JAKMIP2: variants seen among roughly 807,000 people sequenced by gnomAD.
JAKMIP2 encodes janus kinase and microtubule interacting protein 2, also known as janus kinase and microtubule-interacting protein 2.
Under a neutral mutation model 115.0 loss-of-function variants are expected in JAKMIP2, and 25 were observed. The ratio of observed to expected loss-of-function variants is 0.22; its 90% confidence interval spans 0.16 to 0.30. The LOEUF is 0.30. JAKMIP2 is among the 10% of genes least tolerant of loss of function. The pLI is 1.00. For missense variants in JAKMIP2, 642 were observed against 957.6 expected (o/e 0.67, Z 4.35); for synonymous variants, 334 against 343.6 (o/e 0.97, Z 0.31).
intron 21 of JAKMIP2, among the ~76,000 whole-genome samples, chr5:147,599,793 G>C (rs1755600918): frequency 6.6e-6 from 1 of 152,164 alleles, no homozygotes; most frequent in Non-Finnish European, 1.5e-5. Flanking sequence ...GGCTGCCTGG[G>C]TACAAATTGG....
intron 1 of JAKMIP2, among the ~76,000 whole-genome samples, chr5:147,699,594 G>C (rs1465694659): frequency 1.3e-5 from 2 of 151,998 alleles, no homozygotes; most frequent in Non-Finnish European, 2.9e-5. Flanking sequence ...AAATGAACTA[G>C]TTTTCTTGAA....
chr5:147,639,949 G>GATGTAATA (rs1195316197), intron 9 of JAKMIP2, among the ~76,000 whole-genome samples, 189 bp from the exon 10 acceptor site: 1 of 152,162 alleles, frequency 6.6e-6, no homozygotes, highest in African/African-American at 2.4e-5. Flanking sequence ...GATGGACACT[G>GATGTAATA]CAGAAATACA....
At chr5:147,674,779 T>C (rs570678119) in intron 1 of JAKMIP2, among the ~76,000 whole-genome samples, 10 of 152,246 alleles carry the variant, frequency 6.6e-5, no homozygotes, top group Non-Finnish European at 1.5e-4. Context: ...TTGGTGGTAA[T>C]GCTCAGATTC....
At chr5:147,674,302 C>T (rs1371981177) in intron 1 of JAKMIP2, among the ~76,000 whole-genome samples, 1 of 152,156 alleles carries the variant, frequency 6.6e-6, no homozygotes, top group Non-Finnish European at 1.5e-5. Flanking sequence ...TCCGCTTTGG[C>T]CAATTTCCCT....
intron 1 of JAKMIP2, among the ~76,000 whole-genome samples, chr5:147,698,070 G>A (rs534300707): frequency 6.6e-6 from 1 of 152,298 alleles, no homozygotes; most frequent in South Asian, 2.1e-4. Context: ...AAAGTCACAG[G>A]AGCGGAGCTT....
In JAKMIP2 at chr5:147,745,478, A is replaced by G. The variant is rs149245449; in HGVS notation, c.-149+36978T>C. 3.2e-3 allele frequency among the ~76,000 whole-genome samples: 491 copies of G among 152,324 alleles called. 2 individuals are homozygous for G. The highest frequency in any genetic ancestry group is 0.011 in the African/African-American group (473 of 41,580). The stretch of plus-strand genomic sequence containing the variant: ...TGATTGTCTTTGGTTTCACTTACCT[A>G]GGATTGTCTTAGGATTCATCCAGGA... On this transcript the variant is annotated intron_variant, in intron 1 of 21. Coordinates refer to ENST00000616793, the MANE Select transcript of JAKMIP2 (RefSeq NM_001270941.2).
intron 1 of JAKMIP2, among the ~76,000 whole-genome samples, chr5:147,755,585 A>C (rs888422691): frequency 1.3e-5 from 2 of 152,192 alleles, no homozygotes; most frequent in Non-Finnish European, 2.9e-5. Flanking sequence ...CATTCTTCCA[A>C]GTACCTCTGT....
chr5:147,602,092 G>A (rs1393300034), intron 20 of JAKMIP2, among the ~76,000 whole-genome samples: 2 of 152,180 alleles, frequency 1.3e-5, no homozygotes, highest in Admixed American at 6.5e-5. Context: ...GCACAGAGCA[G>A]TAAATCAATA....
At chr5:147,713,628 T>C (rs1752862152) in intron 1 of JAKMIP2, among the ~76,000 whole-genome samples, 1 of 151,928 alleles carries the variant, frequency 6.6e-6, no homozygotes. Context: ...AAAGAACACA[T>C]GAGATTATAA....
At chr5:147,609,076 C>T (rs1222829698) in intron 20 of JAKMIP2, among the ~76,000 whole-genome samples, 1 of 151,912 alleles carries the variant, frequency 6.6e-6, no homozygotes, top group African/African-American at 2.4e-5. Context: ...TGTCTTTGCA[C>T]ATGAGATGGG....
intron 16 of JAKMIP2, among the ~76,000 whole-genome samples, chr5:147,626,713 G>A (rs1207132580): frequency 6.6e-6 from 1 of 152,200 alleles, no homozygotes; most frequent in Non-Finnish European, 1.5e-5. Flanking sequence ...ACAGGGCAGG[G>A]AGCAGAAGAT....
intron 1 of JAKMIP2, 42 bp downstream of exon 1, chr5:147,782,414 A>G (rs1297089631): frequency 6.5e-7 from 1 of 1,532,976 alleles, no homozygotes; most frequent in Non-Finnish European, 8.7e-7. Context: ...TCAAATAAGA[A>G]CACTCTAAAC....
At chr5:147,730,220 T>C (rs1753676401) in intron 1 of JAKMIP2, among the ~76,000 whole-genome samples, 1 of 152,190 alleles carries the variant, frequency 6.6e-6, no homozygotes, top group African/African-American at 2.4e-5. Context: ...ATAAAGAATG[T>C]AAGCAGATTC....
intron 7 of JAKMIP2, 85 bp from the exon 8 acceptor site, chr5:147,641,849 A>G (rs1206996762): frequency 1.2e-5 from 13 of 1,088,232 alleles, no homozygotes; most frequent in Non-Finnish European, 8.4e-6. Flanking sequence ...GTTCTTTCCC[A>G]TAAGGCATTA....
intron 1 of JAKMIP2, among the ~76,000 whole-genome samples, chr5:147,672,508 T>C (rs1759666380): frequency 6.6e-6 from 1 of 152,254 alleles, no homozygotes; most frequent in Non-Finnish European, 1.5e-5. Context: ...TATGCTGTGC[T>C]AGGTATAGAA....
intron 19 of JAKMIP2, among the ~76,000 whole-genome samples, chr5:147,617,123 G>A (rs1756624948): frequency 6.6e-6 from 1 of 152,148 alleles, no homozygotes; most frequent in Non-Finnish European, 1.5e-5. Context: ...CATGAATAAA[G>A]AGTTACAATT....
At chr5:147,713,444 A>G (rs1006316718) in intron 1 of JAKMIP2, among the ~76,000 whole-genome samples, 1 of 152,194 alleles carries the variant, frequency 6.6e-6, no homozygotes, top group African/African-American at 2.4e-5. Context: ...AAACAGCATA[A>G]TGAAACAGGT....
At chr5:147,767,791 A>C (rs1258230382) in intron 1 of JAKMIP2, among the ~76,000 whole-genome samples, 1 of 152,164 alleles carries the variant, frequency 6.6e-6, no homozygotes, top group Non-Finnish European at 1.5e-5. Flanking sequence ...TTAAAAAGCC[A>C]TTCATAATTT....
At chr5:147,602,083 C>A (rs1382131248) in intron 20 of JAKMIP2, among the ~76,000 whole-genome samples, 2 of 152,170 alleles carry the variant, frequency 1.3e-5, no homozygotes, top group Non-Finnish European at 2.9e-5. Flanking sequence ...GAAAAATAAG[C>A]ACAGAGCAGT....
Sources: gnomAD v4.1 joint callset for allele counts (sites outside exome capture counted in the v4.1 genomes callset) on GRCh38, gnomAD v4.1.1 for gene constraint, MANE v1.5 for transcripts, NCBI Gene and HGNC (gene_info 2026-07-23, HGNC 2026-07-21) for gene names.